The following LRRC7 variants were observed in gnomAD, a reference collection of about 807,000 sequenced individuals.
LRRC7 encodes leucine-rich repeat-containing protein 7.
A neutral mutation model predicts 175.7 loss-of-function variants in LRRC7; 23 were observed. The ratio of observed to expected loss-of-function variants is 0.13; its 90% confidence interval spans 0.09 to 0.19. The LOEUF (loss-of-function observed/expected upper bound fraction) is 0.19. Ranked by LOEUF, LRRC7 falls within the 10% of genes least tolerant of loss-of-function variation. The pLI is 1.00. For synonymous variants in LRRC7, 685 were observed against 680.9 expected (o/e 1.01, Z -0.09); for missense variants, 1,354 against 1,904.7 (o/e 0.71, Z 5.38).
chr1:70,089,926 T>C, intron 25 of LRRC7, 107 bp downstream of exon 25: 1 of 772,230 alleles, frequency 1.3e-6, no homozygotes, highest in Non-Finnish European at 2.1e-6. Flanking sequence ...TTTCATGAGC[T>C]AGTTAGTAAC....
At chr1:69,715,219 C>G (rs768568036) in intron 2 of LRRC7, among the ~76,000 whole-genome samples, 2 of 152,000 alleles carry the variant, frequency 1.3e-5, no homozygotes, top group African/African-American at 2.4e-5. Flanking sequence ...TAAGACATAC[C>G]AGGCCCTGCC....
chr1:70,072,640 T>A (rs942535305), intron 23 of LRRC7, among the ~76,000 whole-genome samples: 2 of 152,068 alleles, frequency 1.3e-5, no homozygotes, highest in Admixed American at 1.3e-4. Context: ...CTTTACAGCA[T>A]GTTCTTTTCA....
chr1:70,012,904 A>G (rs557362025), intron 12 of LRRC7, 70 bp from the exon 13 acceptor site: 42 of 751,052 alleles, frequency 5.6e-5, no homozygotes, highest in Non-Finnish European at 8.1e-5. Context: ...TGTTTTAAAA[A>G]TTAGAAAAAT....
At chr1:69,854,426 C>A (rs1683351266) in intron 7 of LRRC7, among the ~76,000 whole-genome samples, 1 of 152,048 alleles carries the variant, frequency 6.6e-6, no homozygotes, top group South Asian at 2.1e-4. Flanking sequence ...TTTCTTCAGC[C>A]CAGGAGATGA....
intron 7 of LRRC7, among the ~76,000 whole-genome samples, chr1:69,853,812 T>C (rs1365375838): frequency 6.6e-6 from 1 of 152,182 alleles, no homozygotes; most frequent in African/African-American, 2.4e-5. Flanking sequence ...TTGCTTCGGT[T>C]GTAATTCAGT....
intron 7 of LRRC7, among the ~76,000 whole-genome samples, chr1:69,910,643 G>T (rs948725205): frequency 3.9e-5 from 6 of 152,272 alleles, no homozygotes; most frequent in Middle Eastern, 6.8e-3. Flanking sequence ...GGCTGCTCGG[G>T]GGTCAAGGAC....
intron 1 of LRRC7, among the ~76,000 whole-genome samples, chr1:69,671,000 T>C (rs970082245): frequency 6.6e-6 from 1 of 152,108 alleles, no homozygotes; most frequent in Non-Finnish European, 1.5e-5. Flanking sequence ...TTTGTGCTCT[T>C]TTCCTCTGTG....
At chr1:69,604,072 G>T (rs914825697) in intron 1 of LRRC7, among the ~76,000 whole-genome samples, 2 of 151,930 alleles carry the variant, frequency 1.3e-5, no homozygotes, top group African/African-American at 4.8e-5. Flanking sequence ...AATATTTTAA[G>T]ATTTTGTTTC....
intron 2 of LRRC7, among the ~76,000 whole-genome samples, chr1:69,709,858 TTTTAAG>T (rs1178129712): frequency 3.9e-5 from 6 of 152,128 alleles, no homozygotes; most frequent in Non-Finnish European, 7.4e-5. Context: ...AAGCAAGATT[TTTTAAG>T]TTTATTTCTT....
At chr1:69,597,483 A>T (rs534271745) in intron 1 of LRRC7, among the ~76,000 whole-genome samples, 1 of 152,342 alleles carries the variant, frequency 6.6e-6, no homozygotes, top group Non-Finnish European at 1.5e-5. Context: ...CCACTCTTCT[A>T]GGTTTCTACC....
chr1:69,757,436 T>C (rs141314038), intron 2 of LRRC7, among the ~76,000 whole-genome samples: 13 of 152,036 alleles, frequency 8.6e-5, no homozygotes, highest in African/African-American at 2.9e-4. Flanking sequence ...TCAATAAAGA[T>C]GTTTATCATG....
At chr1:69,682,558 A>C (rs116472530) in intron 2 of LRRC7, among the ~76,000 whole-genome samples, 2 of 152,210 alleles carry the variant, frequency 1.3e-5, no homozygotes, top group Non-Finnish European at 2.9e-5. Context: ...TATCCCTCCA[A>C]ACTGTATATG....
Position 69,912,344 on chromosome 1 carries a change from A to T in LRRC7, c.648-19163A>T, listed in dbSNP as rs530711933. Reference sequence around the variant, plus strand: ...TTTGTGGTGGTGGTGGTCCTTGCCCAGTTATCTACAAGAGTTTTAAAACAG... The same window carrying T: ...TTTGTGGTGGTGGTGGTCCTTGCCCTGTTATCTACAAGAGTTTTAAAACAG... On this transcript the variant is annotated intron_variant, in intron 7 of 26. Transcript: ENST00000651989. Among the ~76,000 whole-genome samples, 98 of 152,322 alleles carry T rather than the reference A, an allele frequency of 6.4e-4. 1 individual carries two copies. The highest frequency in any genetic ancestry group is 2.1e-3 in the African/African-American group (88 of 41,572).
At chr1:69,872,096 T>C (rs1003734382) in intron 7 of LRRC7, among the ~76,000 whole-genome samples, 7 of 152,012 alleles carry the variant, frequency 4.6e-5, no homozygotes, top group African/African-American at 1.7e-4. Flanking sequence ...AAAAGAAATT[T>C]CTAATGCAGC....
intron 8 of LRRC7, among the ~76,000 whole-genome samples, chr1:69,934,376 T>C (rs1647726088): frequency 6.6e-6 from 1 of 151,824 alleles, no homozygotes; most frequent in African/African-American, 2.4e-5. Context: ...AATATCTACT[T>C]ATAGAAGCAT....
intron 23 of LRRC7, among the ~76,000 whole-genome samples, chr1:70,073,046 A>G (rs2102121056): frequency 6.6e-6 from 1 of 152,258 alleles, no homozygotes; most frequent in East Asian, 1.9e-4. Context: ...TACCAGTTGT[A>G]TTACTTGGGA....
In LRRC7 at chr1:69,988,790, A is replaced by G. The variant is rs116979651; in HGVS notation, c.931+2404A>G. On this transcript the variant is annotated intron_variant, in intron 10 of 26. Coordinates refer to ENST00000651989, the MANE Select transcript of LRRC7 (RefSeq NM_001370785.2). ...GGATAAGACCACCAACATTGCTAATATAAGACTGGTTCTGAACTCCAGAAA... is the reference window on the plus strand; with the variant it reads ...GGATAAGACCACCAACATTGCTAATGTAAGACTGGTTCTGAACTCCAGAAA... Among the ~76,000 whole-genome samples the G allele has an allele frequency of 9.5e-4, 145 of 152,328 alleles. 2 individuals are homozygous for G. The East Asian group carries it at 0.025, about 27-fold the overall frequency.
At chr1:70,053,554 T>A (rs1660905077) in intron 23 of LRRC7, among the ~76,000 whole-genome samples, 1 of 152,196 alleles carries the variant, frequency 6.6e-6, no homozygotes, top group Admixed American at 6.5e-5. Context: ...AGTGAACAAC[T>A]ATATGTACAT....
chr1:69,804,476 A>G lies in LRRC7; in HGVS notation c.421+12316A>G, dbSNP rs947020470. Among the ~76,000 whole-genome samples, 59 of 151,630 alleles carry G rather than the reference A, an allele frequency of 3.9e-4. 1 individual carries two copies. The highest frequency in any genetic ancestry group is 1.4e-3 in the African/African-American group (58 of 41,518). ...AAATGAACTGGAAAATGAAGTTTTG[A>G]TCTCTTATGTTCAGTAAAAGATATT... On this transcript the variant is annotated intron_variant, in intron 4 of 26. Coordinates refer to ENST00000651989, the MANE Select transcript of LRRC7 (RefSeq NM_001370785.2).
Sources: gnomAD v4.1 joint callset for allele counts (sites outside exome capture counted in the v4.1 genomes callset) on GRCh38, gnomAD v4.1.1 for gene constraint, MANE v1.5 for transcripts, NCBI Gene and HGNC (gene_info 2026-07-23, HGNC 2026-07-21) for gene names.